The following WDR41 variants were observed in gnomAD, a reference collection of about 807,000 sequenced individuals.
WDR41 encodes WD repeat domain 41.
A neutral mutation model predicts 69.3 loss-of-function variants in WDR41; 63 were observed. The observed-to-expected ratio is 0.91, with a 90% CI of 0.74 to 1.12. The LOEUF (loss-of-function observed/expected upper bound fraction) is 1.12, where lower values mean the gene tolerates loss of function less well. Ranked by LOEUF, WDR41 falls within the 50% of genes most tolerant of loss-of-function variation. The probability of loss-of-function intolerance (pLI) is 0.00; values close to 1 mark genes in which losing one functional copy is unlikely to be tolerated. For missense variants in WDR41, 543 were observed against 534.5 expected, an observed-to-expected ratio of 1.02 and a Z score of -0.16; for synonymous variants, 185 against 192.1, an observed-to-expected ratio of 0.96 and a Z score of 0.31.
At chr5:77,545,812 A>G in intron 1 of WDR41, 1 of 1,028,290 alleles carries the variant, frequency 9.7e-7, no homozygotes, top group South Asian at 1.7e-5. Context: ...AAGTGCTCCA[A>G]GGAGGTGGCC....
chr5:77,609,557 G>A (rs1238968176), intron 1 of WDR41, among the ~76,000 whole-genome samples: 1 of 152,196 alleles, frequency 6.6e-6, no homozygotes, highest in African/African-American at 2.4e-5. Flanking sequence ...GGTCTGGAGT[G>A]GACCTCTAGC....
At chr5:77,471,046 T>C (rs185603340) in intron 2 of WDR41, among the ~76,000 whole-genome samples, 3 of 152,222 alleles carry the variant, frequency 2.0e-5, no homozygotes, top group South Asian at 2.1e-4. Context: ...CCTCAGCAAA[T>C]GTAAAAGAAC....
intron 2 of WDR41, among the ~76,000 whole-genome samples, chr5:77,477,314 C>T (rs1328149449): frequency 6.6e-6 from 1 of 150,380 alleles, no homozygotes; most frequent in African/African-American, 2.5e-5. Flanking sequence ...CAGCTCTGCA[C>T]CAAGCAGACC....
intron 1 of WDR41, among the ~76,000 whole-genome samples, chr5:77,524,662 G>T (rs546861421): frequency 1.3e-5 from 2 of 152,046 alleles, no homozygotes; most frequent in South Asian, 2.1e-4. Flanking sequence ...TGTCTCAAAG[G>T]TTCCATTTTC....
chr5:77,538,268 G>T (rs1309618360), intron 1 of WDR41, among the ~76,000 whole-genome samples: 1 of 152,138 alleles, frequency 6.6e-6, no homozygotes, highest in Non-Finnish European at 1.5e-5. Context: ...CGCTGCAAAA[G>T]ACATGATTTC....
intron 1 of WDR41, among the ~76,000 whole-genome samples, chr5:77,537,897 G>C (rs192270494): frequency 6.6e-6 from 1 of 152,158 alleles, no homozygotes; most frequent in African/African-American, 2.4e-5. Context: ...GTATAGAATA[G>C]ACGAAAATAT....
At chr5:77,579,504 A>C (rs777629884) in intron 1 of WDR41, among the ~76,000 whole-genome samples, 13 of 152,168 alleles carry the variant, frequency 8.5e-5, no homozygotes, top group Non-Finnish European at 1.8e-4. Flanking sequence ...CGGAGACCAT[A>C]AGATAGTAGA....
chr5:77,587,502 C>T (rs1259029718), intron 1 of WDR41, among the ~76,000 whole-genome samples: 1 of 152,306 alleles, frequency 6.6e-6, no homozygotes, highest in East Asian at 1.9e-4. Flanking sequence ...CTCATCAACA[C>T]TTGATATGGT....
chr5:77,508,373 C>G (rs1282559964), intron 1 of WDR41, among the ~76,000 whole-genome samples: 3 of 152,174 alleles, frequency 2.0e-5, no homozygotes, highest in African/African-American at 7.2e-5. Flanking sequence ...CTGGTTCTCC[C>G]AAAGTGCTAG....
intron 10 of WDR41, 91 bp from the exon 11 acceptor site, chr5:77,437,515 A>G: frequency 9.0e-7 from 1 of 1,113,116 alleles, no homozygotes; most frequent in Non-Finnish European, 1.4e-6. Flanking sequence ...GGAGCCCTCA[A>G]CTGCTTTTAT....
intron 4 of WDR41, among the ~76,000 whole-genome samples, chr5:77,461,633 C>T (rs547529516): frequency 1.3e-5 from 2 of 152,050 alleles, no homozygotes; most frequent in African/African-American, 4.8e-5. Flanking sequence ...GTCAGGAGTT[C>T]GAGGCCAGCC....
chr5:77,442,402 T>C (rs994356667), intron 8 of WDR41, among the ~76,000 whole-genome samples: 2 of 152,180 alleles, frequency 1.3e-5, no homozygotes, highest in African/African-American at 4.8e-5. Context: ...TTATGACATA[T>C]TGTTACAAAA....
chr5:77,570,073 A>G (rs994909808), intron 1 of WDR41, among the ~76,000 whole-genome samples: 6 of 152,108 alleles, frequency 3.9e-5, no homozygotes, highest in Non-Finnish European at 7.4e-5. Context: ...CTAATCCTAT[A>G]ACTGTCCCAA....
intron 1 of WDR41, among the ~76,000 whole-genome samples, chr5:77,533,230 T>A (rs1742898952): frequency 6.6e-6 from 1 of 152,224 alleles, no homozygotes; most frequent in Non-Finnish European, 1.5e-5. Context: ...CTGCATAGGC[T>A]GTTCTTTGCA....
At chr5:77,485,894 AGAT>A (rs1420252328) in intron 2 of WDR41, among the ~76,000 whole-genome samples, 2 of 152,192 alleles carry the variant, frequency 1.3e-5, no homozygotes, top group Non-Finnish European at 2.9e-5. Flanking sequence ...ATTTTCAATA[AGAT>A]GATATTATCT....
chr5:77,474,519 A>G lies in WDR41; in HGVS notation c.168-9710T>C, dbSNP rs150836778. Among the ~76,000 whole-genome samples the G allele has an allele frequency of 4.2e-3, 647 of 152,312 alleles. 11 individuals carry two copies. The highest frequency in any genetic ancestry group is 0.013 in the African/African-American group (539 of 41,568). ...AAGAAAATTAGAGAAGCATCCAGAT[A>G]GGGACTTGTAAAGGAGTTGAAGGAA... On this transcript the variant is annotated intron_variant, in intron 2 of 12. Coordinates refer to ENST00000296679, the MANE Select transcript of WDR41 (RefSeq NM_018268.4).
intron 1 of WDR41, among the ~76,000 whole-genome samples, chr5:77,594,628 C>G (rs943608090): frequency 1.3e-5 from 2 of 152,110 alleles, no homozygotes; most frequent in Non-Finnish European, 2.9e-5. Context: ...CTGCAGGTTT[C>G]CCTGGCTATG....
intron 1 of WDR41, among the ~76,000 whole-genome samples, chr5:77,585,666 A>G (rs765847323): frequency 2.8e-4 from 42 of 152,214 alleles, no homozygotes; most frequent in Non-Finnish European, 4.6e-4. Flanking sequence ...AATTAACAGC[A>G]TTCACAGTGA....
intron 1 of WDR41, among the ~76,000 whole-genome samples, chr5:77,587,237 CTGTAAGATGGACA>C (rs1744058140): frequency 6.6e-6 from 1 of 151,914 alleles, no homozygotes; most frequent in Admixed American, 6.6e-5. Flanking sequence ...ATAGTTTCTT[CTGTAAGATGGACA>C]TTTGATTTAT....
Sources: allele counts gnomAD v4.1 joint callset (sites outside exome capture counted in the v4.1 genomes callset), GRCh38; gene constraint gnomAD v4.1.1; transcripts MANE v1.5; gene names NCBI Gene and HGNC (gene_info 2026-07-23, HGNC 2026-07-21).